AP2A1: variants seen among roughly 807,000 people sequenced by gnomAD.
AP2A1 encodes the protein AP-2 complex subunit alpha-1.
In AP2A1, 21 loss-of-function variants were observed where a neutral mutation model predicts 107.3. The ratio of observed to expected loss-of-function variants is 0.20; its 90% CI spans 0.14 to 0.28. The LOEUF (loss-of-function observed/expected upper bound fraction) is 0.28, where lower values mean the gene tolerates loss of function less well. Among genes scored for constraint, AP2A1 ranks in the 10% least tolerant of loss-of-function variants. AP2A1 has a pLI of 1.00. For missense variants in AP2A1, 873 were observed against 1,307.7 expected (o/e 0.67, Z 5.13); for synonymous variants, 602 against 564.8 (o/e 1.07, Z -0.93).
intron 15 of AP2A1, chr19:49,802,451 CTT>C: frequency 7.4e-7 from 1 of 1,353,322 alleles, no homozygotes; most frequent in Non-Finnish European, 1.0e-6. Context: ...CTCTGTCTCT[CTT>C]CTGCCCTCTC....
rs1422569389 is a variant in AP2A1, at chr19:49,793,096, G to T, written c.705+4G>T. On this transcript the variant is annotated splice_donor_region_variant and intron_variant, in intron 6 of 22. Transcript: ENST00000354293. ...GGCTGTGTCGCGCCTGAGCCGGGTG[G>T]GTGTGGCCTAGATATTGGCTGCTGG... is the stretch of plus-strand genomic sequence containing the variant. 1.3e-6 allele frequency: 2 copies of T among 1,597,100 alleles called. No homozygotes were observed. The highest frequency in any genetic ancestry group is 1.7e-4 in the Middle Eastern group (1 of 6,038).
chr19:49,782,455 C>A, intron 3 of AP2A1, 76 bp from the exon 4 acceptor site: 1 of 1,474,476 alleles, frequency 6.8e-7, no homozygotes, highest in Non-Finnish European at 9.2e-7. Context: ...GGGGCCTGGA[C>A]TCCTGGGTCT....
At position 49,792,079 on chromosome 19, in the gene AP2A1, C is replaced by G; in HGVS notation, c.603+15C>G. 1 of 1,609,492 alleles carries G rather than the reference C, an allele frequency of 6.2e-7. No individual in the cohort carries two copies. Among genetic ancestry groups the G allele is most frequent in the Non-Finnish European group, 8.5e-7 (1 of 1,178,750 alleles). On this transcript the variant is annotated intron_variant, in intron 5 of 22. Coordinates refer to ENST00000354293, the MANE Select transcript of AP2A1 (RefSeq NM_130787.3). ...ACCAGCACATGGTGAGCCCCCAGCC[C>G]TCACACCCCCGGATACCCAGGGCTC...
chr19:49,789,637 C>T (rs1308807224), intron 4 of AP2A1, among the ~76,000 whole-genome samples: 1 of 144,214 alleles, frequency 6.9e-6, no homozygotes, highest in Non-Finnish European at 1.5e-5. Flanking sequence ...CCACGTTGGC[C>T]TGGCCAGGCC....
chr19:49,779,758 ACT>A (rs1055696011), intron 1 of AP2A1, among the ~76,000 whole-genome samples: 1 of 151,996 alleles, frequency 6.6e-6, no homozygotes, highest in Non-Finnish European at 1.5e-5. Flanking sequence ...TTTTCTCCAC[ACT>A]GTCTTCTAAA....
In AP2A1 at chr19:49,788,803, G is replaced by A. The variant is rs907415078; in HGVS notation, c.474-3132G>A. On this transcript the variant is annotated intron_variant, in intron 4 of 22. Coordinates refer to ENST00000354293, the MANE Select transcript of AP2A1 (RefSeq NM_130787.3). The surrounding 1 kb of genome is among the most constrained non-coding windows in gnomAD (Gnocchi z 4.5). ...AAAGTGCCGTCACAAATGGAGCATC[G>A]TCTGTGGCCAGGCTTCTTGCTGGTT... 1.3e-5 allele frequency among the ~76,000 whole-genome samples: 2 copies of A among 152,310 alleles called. No homozygotes were observed. The highest frequency in any genetic ancestry group is 3.4e-3 in the Middle Eastern group (1 of 294).
chr19:49,799,293 C>G, intron 8 of AP2A1, 34 bp from the exon 9 acceptor site: 1 of 1,600,884 alleles, frequency 6.2e-7, no homozygotes, highest in Non-Finnish European at 8.5e-7. Flanking sequence ...GTCAGTTTCT[C>G]TCACCATCCC....
At chr19:49,770,056 G>A (rs543154751) in intron 1 of AP2A1, among the ~76,000 whole-genome samples, 2 of 152,152 alleles carry the variant, frequency 1.3e-5, no homozygotes, top group East Asian at 1.9e-4. Context: ...TTTAGTAGAC[G>A]CAGGGTTTCC....
At position 49,785,090 on chromosome 19, in the gene AP2A1, G is replaced by T. The variant is rs1174420485; in HGVS notation, c.473+2366G>T. 6.6e-6 allele frequency among the ~76,000 whole-genome samples: 1 copy of T among 152,204 alleles called. No homozygotes were observed. Among genetic ancestry groups the T allele is most frequent in the Non-Finnish European group, 1.5e-5 (1 of 68,032 alleles). Reference sequence around the variant, plus strand: ...AAGACAGAGAACATCTAACAGAATTGCCATTTAGAGTTGTAGGGAGAGATC... The same window carrying T: ...AAGACAGAGAACATCTAACAGAATTTCCATTTAGAGTTGTAGGGAGAGATC... On this transcript the variant is annotated intron_variant, in intron 4 of 22. Transcript: ENST00000354293. The surrounding 1 kb of genome is among the most constrained non-coding windows in gnomAD (Gnocchi z 4.1).
chr19:49,805,283 T>C, intron 18 of AP2A1, 170 bp from the exon 19 acceptor site: 2 of 774,150 alleles, frequency 2.6e-6, no homozygotes, highest in Non-Finnish European at 3.8e-6. Context: ...CCTCAGAGGT[T>C]TCCATAGTAT....
intron 8 of AP2A1, 143 bp from the exon 9 acceptor site, chr19:49,799,184 G>A (rs1272615711): frequency 8.6e-7 from 1 of 1,156,232 alleles, no homozygotes; most frequent in Non-Finnish European, 1.2e-6. Context: ...TGGGTCACTG[G>A]AGGTGCAGTA....
At chr19:49,793,212 C>G (rs1401689520) in intron 6 of AP2A1, 120 bp downstream of exon 6, 1 of 978,504 alleles carries the variant, frequency 1.0e-6, no homozygotes, top group African/African-American at 1.6e-5. Context: ...CAAACTCAGG[C>G]TCTGAGCTGG....
At chr19:49,774,748 C>T (rs7258042) in intron 1 of AP2A1, among the ~76,000 whole-genome samples, 221 of 150,436 alleles carry the variant, frequency 1.5e-3, no homozygotes, top group African/African-American at 4.9e-3. Context: ...TAGTGAAACT[C>T]CGTCTCTACT....
In AP2A1 at chr19:49,782,690, T is replaced by C. The variant is rs768541903; in HGVS notation, c.439T>C (p.Phe147Leu). The change falls in exon 4 of 23, where the codon TTT becomes CTT. Residue 147 changes from phenylalanine to leucine, a missense_variant. Phe to Leu is a conservative substitution (Grantham distance 22). This residue lies in a region of AP2A1 where 157 missense variants were observed against 212.6 expected (regional missense o/e 0.74). Transcript: ENST00000354293. ...NVGSREMGEA[F>L]AADIPRILVA... is the part of the protein sequence containing the mutation. ...GGGCAGCCGGGAGATGGGCGAGGCC[T>C]TTGCCGCTGACATCCCCCGCATCCT... 1 of 1,609,002 alleles carries C rather than the reference T, an allele frequency of 6.2e-7. No individual in the cohort carries two copies. Among genetic ancestry groups the C allele is most frequent in the South Asian group, 1.1e-5 (1 of 90,688 alleles).
chr19:49,785,351 G>A lies in AP2A1; in HGVS notation c.473+2627G>A, dbSNP rs148329613. ...TGTGGTTATGAGAAGGGCATGTTTC[G>A]GGAGTAGAGTCGATGGATTATATGT... is the stretch of plus-strand genomic sequence containing the variant. On this transcript the variant is annotated intron_variant, in intron 4 of 22. Transcript: ENST00000354293. The surrounding 1 kb of genome is among the most constrained non-coding windows in gnomAD (Gnocchi z 4.1). Among the ~76,000 whole-genome samples, 187 of 152,240 alleles carry A rather than the reference G, an allele frequency of 1.2e-3. No homozygotes were observed. The highest frequency in any genetic ancestry group is 4.4e-3 in the African/African-American group (183 of 41,532).
Position 49,801,379 on chromosome 19 carries a change from C to G in AP2A1, c.1554-11C>G, listed in dbSNP as rs755824439. 9.3e-6 allele frequency: 15 copies of G among 1,611,098 alleles called. No homozygotes were observed. Among genetic ancestry groups the G allele is most frequent in the East Asian group, 6.7e-5 (3 of 44,882 alleles). ...GAACCTGGCCCCGCTGACACCCACT[C>G]CTGCACACAGCCCCCCAGTGCAGTT... is the stretch of plus-strand genomic sequence containing the variant. On this transcript the variant is annotated splice_polypyrimidine_tract_variant and intron_variant, in intron 12 of 22. Transcript: ENST00000354293.
intron 6 of AP2A1, among the ~76,000 whole-genome samples, chr19:49,793,629 G>A (rs1454854550): frequency 2.0e-5 from 3 of 152,034 alleles, no homozygotes; most frequent in South Asian, 2.1e-4. Context: ...ACCAAGCTCT[G>A]CTCTTAAGGA....
chr19:49,792,143 C>T, intron 5 of AP2A1, 79 bp downstream of exon 5: 1 of 1,458,754 alleles, frequency 6.9e-7, no homozygotes, highest in South Asian at 1.2e-5. Context: ...CCGGGGCTCC[C>T]ACCTCAGCCC....
intron 18 of AP2A1, chr19:49,804,533 G>A (rs556485606): frequency 7.3e-6 from 1 of 136,086 alleles, no homozygotes; most frequent in Admixed American, 7.4e-5. Context: ...GCGAGACTCC[G>A]TCTCAGGAAA....
Sources: gnomAD v4.1 joint callset for allele counts (sites outside exome capture counted in the v4.1 genomes callset) on GRCh38, gnomAD v4.1.1 for gene constraint, gnomAD v4.1.1 regional missense constraint, Gnocchi (gnomAD v3.1) non-coding constraint, MANE v1.5 for transcripts, NCBI Gene and HGNC (gene_info 2026-07-23, HGNC 2026-07-21) for gene names.